Variants in PDE11A observed in about 807,000 individuals in gnomAD.
The protein encoded by PDE11A is dual 3',5'-cyclic-AMP and -GMP phosphodiesterase 11A.
PDE11A carries 100 observed loss-of-function variants against 100.5 expected under a neutral mutation model. The ratio of observed to expected loss-of-function variants is 1.00; its 90% CI spans 0.85 to 1.18. The LOEUF is 1.18. Among genes scored for constraint, PDE11A ranks in the 50% most tolerant of loss-of-function variants. PDE11A has a pLI of 0.00. For synonymous variants in PDE11A, 381 were observed against 420.8 expected (o/e 0.91, Z 1.16); for missense variants, 1,141 against 1,152.6 (o/e 0.99, Z 0.15).
At chr2:177,943,003 C>T (rs1279941276) in intron 2 of PDE11A, among the ~76,000 whole-genome samples, 1 of 152,182 alleles carries the variant, frequency 6.6e-6, no homozygotes, top group Non-Finnish European at 1.5e-5. Flanking sequence ...TTTCACTTAG[C>T]ATAATGCCCT....
chr2:178,000,950 C>T (rs1419159189), intron 2 of PDE11A, among the ~76,000 whole-genome samples: 1 of 152,128 alleles, frequency 6.6e-6, no homozygotes, highest in Non-Finnish European at 1.5e-5. Context: ...TAATGAACAT[C>T]CACCGAGTGT....
chr2:178,073,744 A>G (rs1324765979), upstream of PDE11A, among the ~76,000 whole-genome samples: 4 of 152,202 alleles, frequency 2.6e-5, no homozygotes, highest in Non-Finnish European at 2.9e-5. Context: ...TGAGTGATCT[A>G]TCAGTAAAGA....
At chr2:177,873,251 A>G (rs1394512706) in intron 5 of PDE11A, among the ~76,000 whole-genome samples, 2 of 152,222 alleles carry the variant, frequency 1.3e-5, no homozygotes, top group Admixed American at 1.3e-4. Context: ...TAATAACTAC[A>G]TAAAGCTTCC....
chr2:177,780,557 T>C (rs2082440191), intron 9 of PDE11A, among the ~76,000 whole-genome samples: 1 of 152,254 alleles, frequency 6.6e-6, no homozygotes, highest in African/African-American at 2.4e-5. Flanking sequence ...GGCATCTTCT[T>C]CCAGTAGAAA....
chr2:177,948,184 G>C (rs938714154), intron 2 of PDE11A, among the ~76,000 whole-genome samples: 3 of 151,990 alleles, frequency 2.0e-5, no homozygotes, highest in Admixed American at 6.6e-5. Flanking sequence ...GGGATATATA[G>C]TTTATATGCT....
intron 13 of PDE11A, among the ~76,000 whole-genome samples, chr2:177,702,205 C>A (rs1264906912): frequency 6.6e-6 from 1 of 151,876 alleles, no homozygotes; most frequent in Non-Finnish European, 1.5e-5. Context: ...GCGTTCATTA[C>A]TTGGGAGTCT....
At chr2:178,006,753 C>A (rs570236952) in intron 2 of PDE11A, among the ~76,000 whole-genome samples, 1 of 151,524 alleles carries the variant, frequency 6.6e-6, no homozygotes, top group Admixed American at 6.6e-5. Flanking sequence ...TAAAAATAAA[C>A]GGCATTATAA....
chr2:178,077,260 C>CTTTTTTTTTTTTTTTTTTTTTTT (rs57259393), upstream of PDE11A, among the ~76,000 whole-genome samples: 1 of 98,650 alleles, frequency 1.0e-5, no homozygotes, highest in African/African-American at 4.2e-5. Context: ...TTCTTTCTTT[C>CTTTTTTTTTTTTTTTTTTTTTTT]TTTTTTTTTT....
At chr2:177,773,012 G>A (rs1437862952) in intron 9 of PDE11A, among the ~76,000 whole-genome samples, 8 of 151,694 alleles carry the variant, frequency 5.3e-5, no homozygotes, top group African/African-American at 1.2e-4. Context: ...AATTGCTATC[G>A]TTTCACATAT....
intron 5 of PDE11A, among the ~76,000 whole-genome samples, chr2:177,847,461 T>C (rs2083619704): frequency 6.6e-6 from 1 of 152,212 alleles, no homozygotes; most frequent in African/African-American, 2.4e-5. Flanking sequence ...GACTCACTGC[T>C]GTTTGGAAAC....
upstream of PDE11A, chr2:178,072,911 G>A (rs2105874224): frequency 1.0e-6 from 1 of 985,424 alleles, no homozygotes; most frequent in East Asian, 1.1e-4. Flanking sequence ...CAGGCTGCCA[G>A]GCGGTTCCTG....
chr2:178,048,289 C>A (rs1341592050), intron 1 of PDE11A, among the ~76,000 whole-genome samples: 3 of 151,782 alleles, frequency 2.0e-5, no homozygotes, highest in African/African-American at 7.3e-5. Context: ...GCTTGGGCAA[C>A]TGAAGATAAA....
chr2:177,631,718 T>A (rs2079952725), intron 19 of PDE11A, among the ~76,000 whole-genome samples: 1 of 149,520 alleles, frequency 6.7e-6, no homozygotes, highest in South Asian at 2.1e-4. Flanking sequence ...ACAGAATCAA[T>A]GAGAATGTAT....
chr2:177,922,762 T>G, intron 2 of PDE11A: 1 of 985,374 alleles, frequency 1.0e-6, no homozygotes, highest in Non-Finnish European at 1.2e-6. Flanking sequence ...CTCAAAGCCC[T>G]TCATAATCTA....
chr2:177,776,654 G>A (rs1194993582), intron 9 of PDE11A, among the ~76,000 whole-genome samples: 1 of 152,182 alleles, frequency 6.6e-6, no homozygotes, highest in African/African-American at 2.4e-5. Flanking sequence ...CATGTGGGAT[G>A]TGGGTGTGTC....
intron 10 of PDE11A, among the ~76,000 whole-genome samples, chr2:177,735,645 AACAGTGCTTGTTC>A: frequency 6.6e-6 from 1 of 152,232 alleles, no homozygotes; most frequent in Admixed American, 6.5e-5. Flanking sequence ...TTAACAAAAA[AACAGTGCTTGTTC>A]ACAGAGATCC....
At chr2:177,827,128 T>A (rs2083237732) in intron 6 of PDE11A, among the ~76,000 whole-genome samples, 1 of 152,248 alleles carries the variant, frequency 6.6e-6, no homozygotes, top group South Asian at 2.1e-4. Context: ...AATCAGAGAA[T>A]CTCAGAGCCT....
In PDE11A at chr2:178,063,154, T is replaced by C. The variant is rs1485177256; in HGVS notation, c.912+8372A>G. On this transcript the variant is annotated intron_variant, in intron 1 of 19. Transcript: ENST00000286063. The stretch of plus-strand genomic sequence containing the variant: ...ATACTTCGGAAATTGCATTTTGTAC[T>C]AGAAAAATAGGCATGTTGATCAATT... Among the ~76,000 whole-genome samples the C allele has an allele frequency of 3.9e-5, 6 of 152,232 alleles. No homozygotes were observed. The East Asian group carries it at 9.6e-4, about 24-fold the overall frequency.
chr2:177,980,867 G>A (rs1476923539), intron 2 of PDE11A, among the ~76,000 whole-genome samples: 1 of 141,020 alleles, frequency 7.1e-6, no homozygotes, highest in East Asian at 2.0e-4. Context: ...GAAAGGTGGG[G>A]TTGTCAGTGA....
Sources: gnomAD v4.1 joint callset for allele counts (sites outside exome capture counted in the v4.1 genomes callset) on GRCh38, gnomAD v4.1.1 for gene constraint, MANE v1.5 for transcripts, NCBI Gene and HGNC (gene_info 2026-07-23, HGNC 2026-07-21) for gene names.